Variants in MAGI2 observed in about 807,000 individuals in gnomAD.
The protein encoded by MAGI2 is membrane associated guanylate kinase, WW and PDZ domain containing 2.
A neutral mutation model predicts 133.3 loss-of-function variants in MAGI2; 35 were observed. The observed-to-expected ratio is 0.26, with a 90% CI of 0.20 to 0.35. The LOEUF (loss-of-function observed/expected upper bound fraction) is 0.35. Ranked by LOEUF, MAGI2 falls within the 10% of genes least tolerant of loss-of-function variation. MAGI2 has a pLI of 1.00. For synonymous variants in MAGI2, 729 were observed against 710.6 expected, an observed-to-expected ratio of 1.03 and a Z score of -0.41; for missense variants, 1,636 against 1,863.4, an observed-to-expected ratio of 0.88 and a Z score of 2.25.
At chr7:78,926,680 G>A (rs921415878) in intron 2 of MAGI2, among the ~76,000 whole-genome samples, 1 of 151,970 alleles carries the variant, frequency 6.6e-6, no homozygotes, top group Non-Finnish European at 1.5e-5. Context: ...ATGGAATGAG[G>A]ATGGACATAA....
chr7:78,955,703 TTCTTTCTTTTTCTTTCTTTC>T (rs1237031924), intron 2 of MAGI2, among the ~76,000 whole-genome samples: 7 of 51,464 alleles, frequency 1.4e-4, no homozygotes, highest in African/African-American at 5.9e-4. Context: ...CTCTCTCCCT[TTCTTTCTTTTTCTTTCTTTC>T]TCTTTCTTTC....
At chr7:78,109,494 T>A (rs1819135281) in intron 20 of MAGI2, among the ~76,000 whole-genome samples, 2 of 151,550 alleles carry the variant, frequency 1.3e-5, no homozygotes. Flanking sequence ...TAGCTGGGCG[T>A]GGTGGCACGT....
At chr7:78,604,896 A>C (rs1319352825) in intron 3 of MAGI2, among the ~76,000 whole-genome samples, 5 of 152,204 alleles carry the variant, frequency 3.3e-5, no homozygotes, top group African/African-American at 1.2e-4. Context: ...GAGTGTGGAT[A>C]ATCTGTTGCT....
At chr7:78,458,232 G>T (rs1789537884) in intron 6 of MAGI2, among the ~76,000 whole-genome samples, 1 of 148,574 alleles carries the variant, frequency 6.7e-6, no homozygotes, top group Non-Finnish European at 1.5e-5. Context: ...GCAGTCGGAG[G>T]TTGCAGTGAG....
At chr7:79,203,742 C>A (rs2191814) in intron 1 of MAGI2, among the ~76,000 whole-genome samples, 3 of 151,760 alleles carry the variant, frequency 2.0e-5, no homozygotes, top group African/African-American at 7.3e-5. Context: ...ATATTTAAGC[C>A]GCCACCAACG....
intron 1 of MAGI2, among the ~76,000 whole-genome samples, chr7:79,437,392 T>C (rs1848220058): frequency 6.6e-6 from 1 of 152,136 alleles, no homozygotes; most frequent in Admixed American, 6.6e-5. Flanking sequence ...ATTGAAATTG[T>C]ATATCTTTAA....
chr7:78,135,035 A>G lies in MAGI2; in HGVS notation c.3017T>C (p.Ile1006Thr), dbSNP rs1208327089. 2 of 1,613,898 alleles carry G rather than the reference A, an allele frequency of 1.2e-6. No homozygotes were observed. Among genetic ancestry groups the G allele is most frequent in the Non-Finnish European group, 1.7e-6 (2 of 1,179,984 alleles). The change falls in exon 17 of 22, where the codon ATC (isoleucine) becomes ACC (threonine). Residue 1006 changes from isoleucine (I) to threonine (T), a missense_variant. Around this residue, in one of 5 missense-constraint regions of MAGI2, gnomAD observed 920 missense variants for 1,093.5 expected, o/e 0.84. Transcript: ENST00000354212. Reference sequence around the variant, plus strand: ...CAGGCACTCACCCTCCTGAGGAATGATGCGAAGGGTGACACTAAGACCTGC... The same window carrying G: ...CAGGCACTCACCCTCCTGAGGAATGGTGCGAAGGGTGACACTAAGACCTGC... ...KDAGLSVTLR[I>T]IPQEELNSPT...
intron 17 of MAGI2, among the ~76,000 whole-genome samples, chr7:78,133,434 A>G (rs1821774911): frequency 6.6e-6 from 1 of 152,212 alleles, no homozygotes; most frequent in South Asian, 2.1e-4. Flanking sequence ...TTTGCTTGTA[A>G]TAAACAGCCT....
intron 6 of MAGI2, among the ~76,000 whole-genome samples, chr7:78,385,370 T>C (rs995682227): frequency 6.6e-6 from 1 of 152,128 alleles, no homozygotes; most frequent in South Asian, 2.1e-4. Context: ...GGAGATAATA[T>C]ATAATTTTCA....
At chr7:78,786,831 T>A (rs991402096) in intron 2 of MAGI2, among the ~76,000 whole-genome samples, 1 of 152,218 alleles carries the variant, frequency 6.6e-6, no homozygotes, top group African/African-American at 2.4e-5. Context: ...AATGGAAGCC[T>A]AATGAGGCAG....
intron 1 of MAGI2, among the ~76,000 whole-genome samples, chr7:79,107,696 T>G (rs980107525): frequency 6.6e-6 from 1 of 152,204 alleles, no homozygotes; most frequent in African/African-American, 2.4e-5. Flanking sequence ...TTTCTTCATC[T>G]TCCTCCTCAA....
chr7:79,428,542 G>T (rs990004834), intron 1 of MAGI2, among the ~76,000 whole-genome samples: 40 of 152,054 alleles, frequency 2.6e-4, no homozygotes, highest in African/African-American at 8.7e-4. Flanking sequence ...AGGCTTTTCT[G>T]TCTTTATAGT....
intron 1 of MAGI2, among the ~76,000 whole-genome samples, chr7:79,338,741 G>T (rs1000864369): frequency 2.0e-5 from 3 of 151,998 alleles, no homozygotes; most frequent in African/African-American, 7.2e-5. Flanking sequence ...ACATATTTTT[G>T]CTCCCTTGAG....
intron 2 of MAGI2, among the ~76,000 whole-genome samples, chr7:78,705,842 A>C (rs1818587434): frequency 6.6e-6 from 1 of 152,164 alleles, no homozygotes; most frequent in African/African-American, 2.4e-5. Context: ...GCAAATTCTT[A>C]TAAAGATGCC....
intron 1 of MAGI2, among the ~76,000 whole-genome samples, chr7:79,141,771 A>C (rs1333862810): frequency 6.6e-6 from 1 of 151,616 alleles, no homozygotes; most frequent in Non-Finnish European, 1.5e-5. Flanking sequence ...GCAGATCTGG[A>C]AGAGTTGCCA....
At chr7:79,252,512 T>A (rs945080879) in intron 1 of MAGI2, among the ~76,000 whole-genome samples, 3 of 152,090 alleles carry the variant, frequency 2.0e-5, no homozygotes, top group African/African-American at 7.2e-5. Context: ...TATAATTAGA[T>A]AGAATGAATA....
chr7:78,124,594 C>T (rs527261862), intron 20 of MAGI2, among the ~76,000 whole-genome samples: 7 of 152,114 alleles, frequency 4.6e-5, no homozygotes, highest in African/African-American at 7.2e-5. Context: ...CCTGAGGTTC[C>T]GGAACCCCAA....
chr7:78,827,034 A>G (rs1221772312), intron 2 of MAGI2, among the ~76,000 whole-genome samples: 14 of 152,182 alleles, frequency 9.2e-5, no homozygotes, highest in Admixed American at 9.2e-4. Context: ...AATTCATGTT[A>G]GCTTCATATA....
rs1205624683 is a variant in MAGI2, at chr7:78,019,277, C to T, written c.*38G>A. ...TGAGACGGAACCTAAGAAGAACTGC[C>T]TGCGCCGGGGCGGGCGGGTTGGCCG... On this transcript the variant is annotated 3_prime_UTR_variant, in exon 22 of 22. Transcript: ENST00000354212. 3 of 1,575,040 alleles carry T rather than the reference C, an allele frequency of 1.9e-6. No individual in the cohort carries two copies. The highest frequency in any genetic ancestry group is 1.4e-5 in the African/African-American group (1 of 73,836).
Sources: allele counts gnomAD v4.1 joint callset (sites outside exome capture counted in the v4.1 genomes callset), GRCh38; gene constraint gnomAD v4.1.1; regional missense constraint gnomAD v4.1.1; transcripts MANE v1.5; gene names NCBI Gene and HGNC (gene_info 2026-07-23, HGNC 2026-07-21).